CNTN1: variants seen among roughly 807,000 people sequenced by gnomAD.
CNTN1 encodes the protein contactin 1.
CNTN1 carries 38 observed loss-of-function variants against 126.4 expected under a neutral mutation model. The ratio of observed to expected loss-of-function variants is 0.30; its 90% CI spans 0.23 to 0.39. The LOEUF is 0.39. Ranked by LOEUF, CNTN1 falls within the 10% of genes least tolerant of loss-of-function variation. The probability of loss-of-function intolerance (pLI) is 1.00; values close to 1 mark genes in which losing one functional copy is unlikely to be tolerated. For synonymous variants in CNTN1, 413 were observed against 422.6 expected (o/e 0.98, Z 0.28); for missense variants, 1,009 against 1,248.4 (o/e 0.81, Z 2.89).
chr12:40,724,153 C>A (rs1394297827), intron 1 of CNTN1, among the ~76,000 whole-genome samples: 2 of 152,088 alleles, frequency 1.3e-5, no homozygotes, highest in Non-Finnish European at 2.9e-5. Flanking sequence ...TTTTGAACCT[C>A]TAAATGTAAC....
intron 1 of CNTN1, among the ~76,000 whole-genome samples, chr12:40,751,185 G>C (rs1312251658): frequency 3.9e-5 from 6 of 152,170 alleles, no homozygotes; most frequent in African/African-American, 1.4e-4. Flanking sequence ...TATCTAACTG[G>C]GAATTATTTC....
chr12:40,978,641 C>A (rs1276739522), intron 15 of CNTN1: 2 of 152,052 alleles, frequency 1.3e-5, no homozygotes, highest in Non-Finnish European at 2.9e-5. Flanking sequence ...AACAATATTA[C>A]CCTTAAATGA....
In CNTN1 at chr12:41,071,534, C is replaced by T. The variant is rs1950160140; in HGVS notation, c.*1499C>T. 1 of 152,284 alleles carries T rather than the reference C, an allele frequency of 6.6e-6. No individual in the cohort carries two copies. The highest frequency in any genetic ancestry group is 2.1e-4 in the South Asian group (1 of 4,830). The allele number at this position is 152,284 out of a possible 1,614,324, so 9.4% of individuals were successfully genotyped here. A position where few individuals can be genotyped will look rare whatever the true frequency, so the allele number is the denominator to read the frequency against. On this transcript the variant is annotated 3_prime_UTR_variant, in exon 24 of 24. Transcript: ENST00000551295. ...AGGAAGCAAAATAGATCTATTACTA[C>T]TTTACCGACTTTACCCCCTTTCTTT...
chr12:40,937,519 G>C (rs1316890392), intron 10 of CNTN1, 51 bp from the exon 11 acceptor site: 1 of 1,190,176 alleles, frequency 8.4e-7, no homozygotes, highest in East Asian at 2.3e-5. Flanking sequence ...CTAAGTGAAA[G>C]TATTTCTATT....
intron 1 of CNTN1, among the ~76,000 whole-genome samples, chr12:40,746,223 C>T (rs2136389867): frequency 6.6e-6 from 1 of 152,208 alleles, no homozygotes; most frequent in Admixed American, 6.5e-5. Flanking sequence ...CCAAATTATA[C>T]TTAACTGTTA....
intron 12 of CNTN1, among the ~76,000 whole-genome samples, chr12:40,943,005 T>C (rs558032328): frequency 6.6e-6 from 1 of 152,206 alleles, no homozygotes; most frequent in African/African-American, 2.4e-5. Flanking sequence ...CAATATTTAA[T>C]CTAAGTGTGA....
rs185934312 is a variant in CNTN1, at chr12:40,979,943, G to A, written c.1805-966G>A. Among the ~76,000 whole-genome samples, 155 of 151,850 alleles carry A rather than the reference G, an allele frequency of 1.0e-3. 1 individual carries two copies. The highest frequency in any genetic ancestry group is 2.9e-3 in the Admixed American group (44 of 15,260). ...TCTAAGACTCTTCAATATAATTTGA[G>A]GTTTTAAGAGCATTCCTGGTATATC... is the stretch of plus-strand genomic sequence containing the variant. On this transcript the variant is annotated intron_variant, in intron 15 of 23. Transcript: ENST00000551295.
At chr12:41,049,177 A>G (rs537200028) in intron 23 of CNTN1, among the ~76,000 whole-genome samples, 1 of 152,214 alleles carries the variant, frequency 6.6e-6, no homozygotes, top group East Asian at 1.9e-4. Context: ...CAACCTTTGA[A>G]CTTTAAAGTC....
At chr12:40,953,329 G>A (rs1946754798) in intron 14 of CNTN1, among the ~76,000 whole-genome samples, 1 of 152,092 alleles carries the variant, frequency 6.6e-6, no homozygotes, top group East Asian at 1.9e-4. Flanking sequence ...AATACAGTGA[G>A]CATTTGTATC....
rs758268501 is a variant in CNTN1 at position 40,813,054 on chromosome 12, TCTTTCTTC to T, written c.-76-95299_-76-95292del. Reference sequence around the variant, plus strand: ...TCTTTCTTTCCTTTCTTTCTTTCTTTCTTTCTTCCTTCCTTCCTTCCTTCCTTCCTTCC... The same window carrying T: ...TCTTTCTTTCCTTTCTTTCTTTCTTTCTTCCTTCCTTCCTTCCTTCCTTCC... On this transcript the variant is annotated intron_variant, in intron 1 of 23. Transcript: ENST00000551295. Among the ~76,000 whole-genome samples the T allele has an allele frequency of 2.0e-3, 273 of 134,220 alleles. 1 individual carries two copies. Among genetic ancestry groups the T allele is most frequent in the Non-Finnish European group, 3.0e-3 (190 of 62,474 alleles). The allele number at this position is 134,220 out of a possible 152,430, so 88.1% of individuals were successfully genotyped here.
intron 5 of CNTN1, among the ~76,000 whole-genome samples, chr12:40,922,651 C>T (rs750273972): frequency 1.3e-5 from 2 of 152,000 alleles, no homozygotes; most frequent in Non-Finnish European, 2.9e-5. Context: ...GGAAGGCCAG[C>T]GTCTGAGGAT....
intron 23 of CNTN1, among the ~76,000 whole-genome samples, chr12:41,069,338 A>G (rs1287540202): frequency 6.6e-6 from 1 of 152,216 alleles, no homozygotes; most frequent in Non-Finnish European, 1.5e-5. Context: ...ATGTCTTAAA[A>G]CCATTGGGAT....
intron 1 of CNTN1, among the ~76,000 whole-genome samples, chr12:40,802,793 A>C (rs909223501): frequency 2.0e-5 from 3 of 151,994 alleles, no homozygotes; most frequent in African/African-American, 7.2e-5. Context: ...CACTCTCATA[A>C]AAAGCAGATA....
chr12:40,850,810 G>A (rs903324478), intron 1 of CNTN1, among the ~76,000 whole-genome samples: 24 of 152,010 alleles, frequency 1.6e-4, no homozygotes, highest in African/African-American at 5.8e-4. Flanking sequence ...ACTCATTTTT[G>A]CATTATTACT....
intron 23 of CNTN1, among the ~76,000 whole-genome samples, chr12:41,046,776 A>C (rs1215012579): frequency 6.7e-6 from 1 of 150,300 alleles, no homozygotes; most frequent in African/African-American, 2.4e-5. Context: ...TATTTCCTTA[A>C]ATCTCCTCCC....
chr12:40,944,211 T>A (rs1376433547), intron 14 of CNTN1, 41 bp downstream of exon 14: 1 of 1,502,784 alleles, frequency 6.7e-7, no homozygotes, highest in Admixed American at 1.7e-5. Context: ...CCCCAGTGAT[T>A]CCTATGTGTC....
At chr12:40,883,994 A>G (rs1036601290) in intron 1 of CNTN1, among the ~76,000 whole-genome samples, 3 of 151,582 alleles carry the variant, frequency 2.0e-5, no homozygotes, top group Admixed American at 2.0e-4. Context: ...AAATATGCTA[A>G]GATAATAAGG....
At chr12:40,720,055 G>T (rs1049033133) in intron 1 of CNTN1, among the ~76,000 whole-genome samples, 4 of 123,614 alleles carry the variant, frequency 3.2e-5, no homozygotes, top group East Asian at 2.3e-4. Flanking sequence ...GTTTTACCAT[G>T]TTGGTCAGCC....
chr12:40,926,939 C>T (rs891960333), intron 6 of CNTN1, among the ~76,000 whole-genome samples: 1 of 152,018 alleles, frequency 6.6e-6, no homozygotes, highest in African/African-American at 2.4e-5. Context: ...ATTACTTCAG[C>T]TGAAGGAATA....
Sources: allele counts gnomAD v4.1 joint callset (sites outside exome capture counted in the v4.1 genomes callset), GRCh38; gene constraint gnomAD v4.1.1; transcripts MANE v1.5; gene names NCBI Gene and HGNC (gene_info 2026-07-23, HGNC 2026-07-21).